ATP2B4: variants seen among roughly 807,000 people sequenced by gnomAD.
The protein encoded by ATP2B4 is plasma membrane calcium-transporting ATPase 4.
In ATP2B4, 39 loss-of-function variants were observed where a neutral mutation model predicts 110.3. The ratio of observed to expected loss-of-function variants is 0.35; its 90% CI spans 0.27 to 0.46. The LOEUF (loss-of-function observed/expected upper bound fraction) is 0.46. Ranked by LOEUF, ATP2B4 falls within the 20% of genes least tolerant of loss-of-function variation. The pLI is 1.00. For missense variants in ATP2B4, 1,135 were observed against 1,530.9 expected, an observed-to-expected ratio of 0.74 and a Z score of 4.32; for synonymous variants, 538 against 571.7, an observed-to-expected ratio of 0.94 and a Z score of 0.84.
intron 6 of ATP2B4, among the ~76,000 whole-genome samples, chr1:203,701,279 C>A (rs979658484): frequency 1.3e-5 from 2 of 152,158 alleles, no homozygotes; most frequent in African/African-American, 4.8e-5. Flanking sequence ...CTTTCTTCCT[C>A]AAAGATGGGG....
intron 1 of ATP2B4, among the ~76,000 whole-genome samples, chr1:203,681,933 T>TGA (rs1553247158): frequency 1.4e-5 from 2 of 147,014 alleles, no homozygotes; most frequent in Non-Finnish European, 3.0e-5. Context: ...TCCCCTTTAC[T>TGA]AGAAAAAAAA....
chr1:203,641,955 G>T (rs571219019), intron 1 of ATP2B4, among the ~76,000 whole-genome samples: 1 of 152,292 alleles, frequency 6.6e-6, no homozygotes, highest in Non-Finnish European at 1.5e-5. Flanking sequence ...GGTAACTTTT[G>T]TATTCCTAGG....
chr1:203,678,578 A>G (rs1033724996), intron 1 of ATP2B4, among the ~76,000 whole-genome samples: 3 of 151,676 alleles, frequency 2.0e-5, no homozygotes, highest in Non-Finnish European at 4.4e-5. Flanking sequence ...TAATTTTTGT[A>G]TTTTTTGTAG....
At chr1:203,641,334 T>C (rs973396783) in intron 1 of ATP2B4, among the ~76,000 whole-genome samples, 3 of 152,226 alleles carry the variant, frequency 2.0e-5, no homozygotes, top group Admixed American at 1.3e-4. Context: ...ACTCCAGTGA[T>C]CTGTGGCTTG....
intron 17 of ATP2B4, 39 bp downstream of exon 17, chr1:203,721,449 G>A (rs1363569841): frequency 6.3e-7 from 1 of 1,593,816 alleles, no homozygotes; most frequent in East Asian, 2.2e-5. Flanking sequence ...TGGGGTCCTG[G>A]TTGGAGGTGG....
chr1:203,714,422 G>A, intron 15 of ATP2B4, 145 bp downstream of exon 15: 6 of 741,352 alleles, frequency 8.1e-6, no homozygotes, highest in South Asian at 6.5e-5. Flanking sequence ...TATCTACCGG[G>A]CCAATCATGA....
intron 2 of ATP2B4, among the ~76,000 whole-genome samples, chr1:203,687,963 C>T (rs573684997): frequency 2.0e-5 from 3 of 151,062 alleles, no homozygotes; most frequent in East Asian, 1.9e-4. Context: ...TCATTTAAAC[C>T]CTTTAGCCTG....
Position 203,700,779 on chromosome 1 carries a change from C to G in ATP2B4, c.776-19C>G, listed in dbSNP as rs1212757842. ...TATTAAAAAACCCATTCCTTCCCAT[C>G]TTCTCCTTTCCCGTGTAGGGACCCA... On this transcript the variant is annotated intron_variant, in intron 5 of 20. Transcript: ENST00000357681. The G allele has an allele frequency of 6.2e-7, 1 of 1,612,034 alleles. No individual in the cohort carries two copies. Among genetic ancestry groups the G allele is most frequent in the Non-Finnish European group, 8.5e-7 (1 of 1,179,014 alleles).
chr1:203,628,674 T>C (rs911708684), intron 1 of ATP2B4, among the ~76,000 whole-genome samples: 4 of 152,026 alleles, frequency 2.6e-5, no homozygotes, highest in African/African-American at 4.8e-5. Flanking sequence ...TCCACGCGCT[T>C]CCCATTGGAG....
intron 1 of ATP2B4, among the ~76,000 whole-genome samples, chr1:203,653,022 G>A (rs889123527): frequency 6.6e-6 from 1 of 152,320 alleles, no homozygotes; most frequent in South Asian, 2.1e-4. Flanking sequence ...TAGGCCCAAA[G>A]CTAGGCCTCT....
Position 203,683,095 on chromosome 1 carries a change from C to T in ATP2B4, c.-111C>T. 1 of 1,293,124 alleles carries T rather than the reference C, an allele frequency of 7.7e-7. No individual in the cohort carries two copies. Among genetic ancestry groups the T allele is most frequent in the East Asian group, 2.3e-5 (1 of 42,746 alleles). The allele number at this position is 1,293,124 out of a possible 1,614,324, so 80.1% of individuals were successfully genotyped here. A position where few individuals can be genotyped will look rare whatever the true frequency, so the allele number is the denominator to read the frequency against. ...TCAATCTATTCCCTCACTGGGCCCC[C>T]AGAGAAGCAAGAAGTAGGAAGAAGT... On this transcript the variant is annotated 5_prime_UTR_variant, in exon 2 of 21. Transcript: ENST00000357681.
At chr1:203,686,677 T>C in intron 2 of ATP2B4, among the ~76,000 whole-genome samples, 1 of 128,516 alleles carries the variant, frequency 7.8e-6, no homozygotes, top group East Asian at 2.4e-4. Flanking sequence ...TTTTTCTTTC[T>C]TTTCTTTCTT....
intron 1 of ATP2B4, among the ~76,000 whole-genome samples, chr1:203,662,368 A>G (rs1442147222): frequency 6.6e-6 from 1 of 152,142 alleles, no homozygotes; most frequent in Non-Finnish European, 1.5e-5. Context: ...GGTACTAACT[A>G]CATTCCCAGT....
rs1553242183 is a variant in ATP2B4 at position 203,633,739 on chromosome 1, T to TAAATAAAG, written c.-465+6521_-465+6528dup. 5.9e-5 allele frequency among the ~76,000 whole-genome samples: 9 copies of TAAATAAAG among 151,576 alleles called. No homozygotes were observed. The South Asian group carries it at 1.9e-3, about 32-fold the overall frequency. ...ATAAATAAATAAATAAATAAATAAA[T>TAAATAAAG]AAATAAAGTAAATGCCAACTAATAA... On this transcript the variant is annotated intron_variant, in intron 1 of 20. Transcript: ENST00000357681.
intron 20 of ATP2B4, among the ~76,000 whole-genome samples, chr1:203,728,910 G>A (rs1284285107): frequency 2.0e-5 from 3 of 150,966 alleles, no homozygotes; most frequent in Non-Finnish European, 4.4e-5. Flanking sequence ...CCAGCACTTT[G>A]GGAGGCCAAG....
intron 20 of ATP2B4, chr1:203,733,512 T>C: frequency 8.6e-7 from 1 of 1,162,660 alleles, no homozygotes; most frequent in South Asian, 1.8e-5. Flanking sequence ...TTCCCTTTGA[T>C]ATTTTGACTT....
intron 1 of ATP2B4, among the ~76,000 whole-genome samples, chr1:203,662,642 A>G (rs959476045): frequency 2.0e-5 from 3 of 152,224 alleles, no homozygotes; most frequent in African/African-American, 7.2e-5. Context: ...CATGTGTCAG[A>G]ACATCCTTCC....
chr1:203,720,598 C>A lies in ATP2B4; in HGVS notation c.2456C>A (p.Thr819Lys). 1 of 1,613,732 alleles carries A rather than the reference C, an allele frequency of 6.2e-7. No homozygotes were observed. Reference protein sequence around the residue: ...VAKEASDIILTDDNFTSIVKA... With the variant: ...VAKEASDIILKDDNFTSIVKA... The stretch of plus-strand genomic sequence containing the variant: ...AAGGAGGCTTCAGACATCATCCTAA[C>A]AGATGACAACTTCACCAGCATTGTG... Residue 819 changes from threonine (T) to lysine (K), a missense_variant, in exon 16 of 21, where the codon ACA becomes AAA. Physicochemically the swap from Thr to Lys is moderately conservative, Grantham distance 78. Transcript: ENST00000357681.
At chr1:203,688,264 A>G (rs757288695) in intron 2 of ATP2B4, among the ~76,000 whole-genome samples, 2 of 151,714 alleles carry the variant, frequency 1.3e-5, no homozygotes, top group Admixed American at 6.6e-5. Context: ...GATTACAGGC[A>G]TGAGCCGCCA....
Sources: allele counts gnomAD v4.1 joint callset (sites outside exome capture counted in the v4.1 genomes callset), GRCh38; gene constraint gnomAD v4.1.1; transcripts MANE v1.5; gene names NCBI Gene and HGNC (gene_info 2026-07-23, HGNC 2026-07-21).